The following NAALADL2 variants were observed in gnomAD, a reference collection of about 807,000 sequenced individuals.
The protein encoded by NAALADL2 is inactive N-acetylated-alpha-linked acidic dipeptidase-like protein 2.
A neutral mutation model predicts 87.2 loss-of-function variants in NAALADL2; 76 were observed. The ratio of observed to expected loss-of-function variants is 0.87; its 90% CI spans 0.72 to 1.05. The LOEUF is 1.05. Among genes scored for constraint, NAALADL2 ranks in the 50% least tolerant of loss-of-function variants. The pLI is 0.00. For synonymous variants in NAALADL2, 354 were observed against 331.0 expected, an observed-to-expected ratio of 1.07 and a Z score of -0.75; for missense variants, 1,089 against 945.8, an observed-to-expected ratio of 1.15 and a Z score of -1.99.
intron 5 of NAALADL2, among the ~76,000 whole-genome samples, chr3:175,330,900 C>A (rs1246409256): frequency 6.6e-6 from 1 of 151,930 alleles, no homozygotes; most frequent in Non-Finnish European, 1.5e-5. Context: ...AGATAAACCA[C>A]TGATTAGATT....
At chr3:175,270,814 C>A (rs1752725432) in intron 4 of NAALADL2, among the ~76,000 whole-genome samples, 1 of 152,050 alleles carries the variant, frequency 6.6e-6, no homozygotes, top group Admixed American at 6.6e-5. Context: ...CCTCTGTAAA[C>A]CTCTTCCAGT....
At chr3:175,415,090 C>A (rs1470933182) in intron 5 of NAALADL2, among the ~76,000 whole-genome samples, 1 of 152,034 alleles carries the variant, frequency 6.6e-6, no homozygotes, top group Non-Finnish European at 1.5e-5. Flanking sequence ...TAAATATAAG[C>A]CTAATTGCCC....
intron 9 of NAALADL2, among the ~76,000 whole-genome samples, chr3:175,542,112 T>C (rs531628224): frequency 1.1e-4 from 17 of 152,280 alleles, no homozygotes; most frequent in African/African-American, 4.1e-4. Context: ...GAGAAGAGGA[T>C]TTTTTATATG....
chr3:174,609,646 T>A (rs1364297271), intron 2 of NAALADL2, among the ~76,000 whole-genome samples: 2 of 151,984 alleles, frequency 1.3e-5, no homozygotes, highest in African/African-American at 4.8e-5. Context: ...TACAAACCAC[T>A]CCTCAATGAA....
intron 1 of NAALADL2, among the ~76,000 whole-genome samples, chr3:174,519,567 G>A (rs1318796655): frequency 1.3e-5 from 2 of 151,844 alleles, no homozygotes; most frequent in African/African-American, 4.8e-5. Context: ...CCGACCTCAG[G>A]TGATCCACCC....
chr3:175,162,540 G>A (rs1268417734), intron 2 of NAALADL2, among the ~76,000 whole-genome samples: 1 of 152,066 alleles, frequency 6.6e-6, no homozygotes, highest in African/African-American at 2.4e-5. Context: ...TCTCCTTCTT[G>A]TACATAGCTA....
chr3:175,187,398 A>C (rs983055460), intron 2 of NAALADL2, among the ~76,000 whole-genome samples: 6 of 152,062 alleles, frequency 3.9e-5, no homozygotes, highest in Admixed American at 3.9e-4. Context: ...CATTTATTTT[A>C]TATTGCTTTT....
At position 175,806,292 on chromosome 3, in the gene NAALADL2, GGAA is replaced by G. The variant is rs925077777; in HGVS notation, c.*3094_*3096del. The G allele has an allele frequency of 3.3e-5, 5 of 151,842 alleles. No individual in the cohort carries two copies. Among genetic ancestry groups the G allele is most frequent in the African/African-American group, 2.4e-5 (1 of 41,402 alleles). The allele number at this position is 151,842 out of a possible 1,614,324, so 9.4% of individuals were successfully genotyped here. On this transcript the variant is annotated 3_prime_UTR_variant, in exon 14 of 14. Transcript: ENST00000454872. ...AATCCTTACAGAACACCAGAAGTCA[GGAA>G]GAAGGACATTGAGCAAAATATATCT...
At chr3:175,681,619 C>A (rs1735607285) in intron 11 of NAALADL2, among the ~76,000 whole-genome samples, 1 of 152,080 alleles carries the variant, frequency 6.6e-6, no homozygotes, top group Non-Finnish European at 1.5e-5. Flanking sequence ...TATTTTTGTT[C>A]AAAATGGCTG....
At chr3:175,258,253 A>G (rs1750369043) in intron 4 of NAALADL2, among the ~76,000 whole-genome samples, 1 of 148,658 alleles carries the variant, frequency 6.7e-6, no homozygotes, top group Non-Finnish European at 1.5e-5. Flanking sequence ...ACTTGCAATG[A>G]GCCGAGATCA....
intron 1 of NAALADL2, among the ~76,000 whole-genome samples, chr3:174,548,464 A>G (rs1370833573): frequency 6.6e-6 from 1 of 152,214 alleles, no homozygotes; most frequent in Non-Finnish European, 1.5e-5. Flanking sequence ...AAATGTTCTC[A>G]CTAATGCTTA....
At chr3:175,583,049 C>A (rs1720008826) in intron 10 of NAALADL2, among the ~76,000 whole-genome samples, 1 of 151,238 alleles carries the variant, frequency 6.6e-6, no homozygotes, top group Non-Finnish European at 1.5e-5. Flanking sequence ...CTGACAATTT[C>A]CTGTCTAAAA....
intron 5 of NAALADL2, among the ~76,000 whole-genome samples, chr3:175,415,458 C>G (rs1416536821): frequency 6.6e-6 from 1 of 152,036 alleles, no homozygotes; most frequent in Non-Finnish European, 1.5e-5. Context: ...TTATTTTACT[C>G]TGTTACATTG....
chr3:175,288,251 C>G (rs1581265021), intron 4 of NAALADL2, among the ~76,000 whole-genome samples: 1 of 152,122 alleles, frequency 6.6e-6, no homozygotes, highest in East Asian at 1.9e-4. Context: ...AGAATCCTCT[C>G]TTACTCAGGG....
At chr3:175,753,369 T>C (rs1448591488) in intron 12 of NAALADL2, among the ~76,000 whole-genome samples, 1 of 152,184 alleles carries the variant, frequency 6.6e-6, no homozygotes, top group East Asian at 1.9e-4. Flanking sequence ...TCTCTTTACA[T>C]AATTTTATTT....
chr3:175,031,401 A>G (rs2108913768), intron 1 of NAALADL2, among the ~76,000 whole-genome samples: 1 of 152,186 alleles, frequency 6.6e-6, no homozygotes, highest in Admixed American at 6.6e-5. Context: ...TAATTCACTT[A>G]GGATAATGGC....
At chr3:175,303,983 G>T (rs577882991) in intron 4 of NAALADL2, among the ~76,000 whole-genome samples, 2 of 151,938 alleles carry the variant, frequency 1.3e-5, no homozygotes, top group Admixed American at 6.5e-5. Flanking sequence ...CAGTGTGAAG[G>T]GGGTGGATAG....
chr3:174,568,547 G>A (rs932851059), intron 2 of NAALADL2, among the ~76,000 whole-genome samples: 1 of 151,788 alleles, frequency 6.6e-6, no homozygotes, highest in East Asian at 1.9e-4. Flanking sequence ...CTGTAAGAAG[G>A]CAATGCATGA....
chr3:175,094,887 A>C (rs1720853689), intron 1 of NAALADL2, among the ~76,000 whole-genome samples: 2 of 151,792 alleles, frequency 1.3e-5, no homozygotes, highest in Non-Finnish European at 2.9e-5. Flanking sequence ...CTCCTCTAAG[A>C]ATAGAAATGT....
Sources: gnomAD v4.1 joint callset for allele counts (sites outside exome capture counted in the v4.1 genomes callset) on GRCh38, gnomAD v4.1.1 for gene constraint, MANE v1.5 for transcripts, NCBI Gene and HGNC (gene_info 2026-07-23, HGNC 2026-07-21) for gene names.